Variants in OR6N1 observed in about 807,000 individuals in gnomAD.
OR6N1 encodes the protein olfactory receptor family 6 subfamily N member 1, also known as olfactory receptor 6N1.
For synonymous variants in OR6N1, 170 were observed against 150.7 expected (o/e 1.13, Z -0.94); for missense variants, 394 against 371.7 (o/e 1.06, Z -0.49).
At chr1:158,790,760 T>C in the OR6N1 span, among the ~76,000 whole-genome samples, 1 of 152,202 alleles carries the variant, frequency 6.6e-6, no homozygotes, top group Non-Finnish European at 1.5e-5. Flanking sequence ...GACATTTTAA[T>C]AGTATTAATT....
Position 158,766,654 on chromosome 1 carries a change from G to A in OR6N1, c.29C>T (p.Ala10Val). The change falls in exon 2 of 2, where the codon GCA becomes GTA. Residue 10 changes from alanine (A) to valine (V), a missense_variant. Transcript: ENST00000641846. ...GGGGAAGCCCAAGATGATGAATTCTGCTACCTGGCTCCAGTTCCCTGTGTC... is the reference window on the plus strand; with the variant it reads ...GGGGAAGCCCAAGATGATGAATTCTACTACCTGGCTCCAGTTCCCTGTGTC... Reference protein sequence around the residue: MDTGNWSQVAEFIILGFPHL... With the variant: MDTGNWSQVVEFIILGFPHL... 1 of 1,612,458 alleles carries A rather than the reference G, an allele frequency of 6.2e-7. No homozygotes were observed. The highest frequency in any genetic ancestry group is 8.5e-7 in the Non-Finnish European group (1 of 1,179,628).
chr1:158,812,313 T>C, the OR6N1 span, among the ~76,000 whole-genome samples: 1 of 152,232 alleles, frequency 6.6e-6, no homozygotes, highest in East Asian at 1.9e-4. Flanking sequence ...TTTAACATTG[T>C]ATATAATGAG....
the OR6N1 span, chr1:158,777,348 T>C: frequency 1.2e-6 from 2 of 1,614,208 alleles, no homozygotes; most frequent in Non-Finnish European, 8.5e-7. Context: ...GAAGGAGGCA[T>C]CCTGCAAAAG....
At chr1:158,800,972 AG>A in the OR6N1 span, among the ~76,000 whole-genome samples, 18,026 of 152,188 alleles carry the variant, frequency 0.12, 1,402 homozygotes, top group South Asian at 0.35. Context: ...CTAAAGTCTA[AG>A]GCATGAGAAG....
At chr1:158,816,638 C>T in the OR6N1 span, among the ~76,000 whole-genome samples, 6 of 151,886 alleles carry the variant, frequency 4.0e-5, no homozygotes, top group Non-Finnish European at 7.4e-5. Context: ...TTCAGTGAGC[C>T]GAGATGTGCC....
intron 1 of OR6N1, 70 bp from the exon 2 acceptor site, chr1:158,766,770 A>C: frequency 2.2e-6 from 2 of 915,322 alleles, no homozygotes; most frequent in Non-Finnish European, 3.2e-6. Flanking sequence ...GGCAACCCTC[A>C]AATTACTATT....
the OR6N1 span, chr1:158,831,365 A>G: frequency 1.3e-5 from 2 of 152,212 alleles, no homozygotes; most frequent in Non-Finnish European, 2.9e-5. Flanking sequence ...TAAGAAGGCC[A>G]TCTACAATCA....
the OR6N1 span, among the ~76,000 whole-genome samples, chr1:158,805,586 A>T: frequency 6.6e-6 from 1 of 152,112 alleles, no homozygotes; most frequent in Non-Finnish European, 1.5e-5. Flanking sequence ...TCTGTTATTT[A>T]TATCTGTTGA....
the OR6N1 span, among the ~76,000 whole-genome samples, chr1:158,784,707 A>T: frequency 5.3e-5 from 8 of 152,172 alleles, no homozygotes; most frequent in Non-Finnish European, 1.0e-4. Context: ...TTCACATAAC[A>T]TCATGTCCTC....
At chr1:158,836,431 A>G in the OR6N1 span, among the ~76,000 whole-genome samples, 3 of 151,796 alleles carry the variant, frequency 2.0e-5, no homozygotes, top group Non-Finnish European at 4.4e-5. Context: ...CGGATTTTCT[A>G]TTTCTTTATG....
In OR6N1 at chr1:158,767,008, G is replaced by A. The variant is rs543556580; in HGVS notation, c.-18-308C>T. On this transcript the variant is annotated intron_variant, in intron 1 of 1. Transcript: ENST00000641846. ...ATCTATATAGATTTTAGAAATTTAGGTATTTCTAATCCAAGGTATATATTA... is the reference window on the plus strand; with the variant it reads ...ATCTATATAGATTTTAGAAATTTAGATATTTCTAATCCAAGGTATATATTA... Among the ~76,000 whole-genome samples, 10 of 151,956 alleles carry A rather than the reference G, an allele frequency of 6.6e-5. No homozygotes were observed. The South Asian group carries it at 2.1e-3, about 32-fold the overall frequency.
At chr1:158,774,425 G>A (rs1470902911), upstream of OR6N1, 3 of 151,996 alleles carry the variant, frequency 2.0e-5, no homozygotes, top group Non-Finnish European at 4.4e-5. Context: ...AGAAGCCTGG[G>A]GTTCATCACA....
chr1:158,834,319 G>A, the OR6N1 span, among the ~76,000 whole-genome samples: 7 of 146,134 alleles, frequency 4.8e-5, no homozygotes, highest in South Asian at 2.1e-4. Flanking sequence ...TGCAAGCTCC[G>A]CCTCCCGGGT....
the OR6N1 span, chr1:158,777,449 C>A: frequency 6.2e-7 from 1 of 1,614,174 alleles, no homozygotes; most frequent in Admixed American, 1.7e-5. Context: ...AGAACACTGA[C>A]AAAGTGGTAC....
At chr1:158,767,594 A>G (rs1418365280) in intron 1 of OR6N1, among the ~76,000 whole-genome samples, 3 of 152,244 alleles carry the variant, frequency 2.0e-5, no homozygotes, top group Non-Finnish European at 2.9e-5. Context: ...TGATGTTAAC[A>G]AACTAATATT....
the OR6N1 span, among the ~76,000 whole-genome samples, chr1:158,790,702 C>A: frequency 5.3e-5 from 8 of 152,258 alleles, 1 homozygote; most frequent in South Asian, 1.7e-3. Flanking sequence ...CTGCGCCGGG[C>A]CTTTGATAGG....
chr1:158,783,121 A>G, the OR6N1 span, among the ~76,000 whole-genome samples: 1 of 152,174 alleles, frequency 6.6e-6, no homozygotes, highest in Non-Finnish European at 1.5e-5. Flanking sequence ...AACGAAATCC[A>G]TCTCCTTGTC....
At chr1:158,782,961 A>G in the OR6N1 span, among the ~76,000 whole-genome samples, 1 of 152,174 alleles carries the variant, frequency 6.6e-6, no homozygotes, top group Admixed American at 6.5e-5. Flanking sequence ...TGATTCATAA[A>G]CTTTAAGTCT....
In OR6N1 at chr1:158,765,828, G is replaced by C. The variant is rs370643310; in HGVS notation, c.855C>G (p.Leu285=). The change falls in exon 2 of 2, where the codon CTC becomes CTG. Residue 285 remains leucine, a synonymous_variant. Coordinates refer to ENST00000641846, the MANE Select transcript of OR6N1 (RefSeq NM_001005185.2). The stretch of plus-strand genomic sequence containing the variant: ...TGCGCAAGCTGTAGATGAAGGGGTT[G>C]AGGAAGGGTGTGAGCACTGAGTAGA... ...AVVYSVLTPF[L]NPFIYSLRNK... 15 of 1,613,994 alleles carry C rather than the reference G, an allele frequency of 9.3e-6. No individual in the cohort carries two copies. Among genetic ancestry groups the C allele is most frequent in the Non-Finnish European group, 3.4e-6 (4 of 1,179,990 alleles).
Sources: allele counts gnomAD v4.1 joint callset (sites outside exome capture counted in the v4.1 genomes callset), GRCh38; gene constraint gnomAD v4.1.1; transcripts MANE v1.5; gene names NCBI Gene and HGNC (gene_info 2026-07-23, HGNC 2026-07-21).